Variants in WDFY2 observed in about 807,000 individuals in gnomAD.
WDFY2 encodes the protein WD repeat and FYVE domain-containing protein 2.
WDFY2 carries 36 observed loss-of-function variants against 56.4 expected under a neutral mutation model. The ratio of observed to expected loss-of-function variants is 0.64; its 90% CI spans 0.49 to 0.84. The LOEUF is 0.84. WDFY2 is among the 40% of genes least tolerant of loss of function. The pLI, the probability that WDFY2 is intolerant of heterozygous loss-of-function variation, is 0.00. For synonymous variants in WDFY2, 176 were observed against 183.7 expected, an observed-to-expected ratio of 0.96 and a Z score of 0.34; for missense variants, 444 against 512.2, an observed-to-expected ratio of 0.87 and a Z score of 1.29.
intron 7 of WDFY2, among the ~76,000 whole-genome samples, chr13:51,748,626 CT>C (rs915663534): frequency 3.3e-5 from 5 of 149,350 alleles, no homozygotes; most frequent in African/African-American, 7.4e-5. Flanking sequence ...CTCTCTCTCT[CT>C]TTTTTTTTTC....
intron 1 of WDFY2, among the ~76,000 whole-genome samples, chr13:51,647,773 A>T (rs1955288137): frequency 1.3e-5 from 2 of 151,838 alleles, no homozygotes; most frequent in Admixed American, 1.3e-4. Context: ...CTTAAAAAAA[A>T]AAAAAAAAAA....
chr13:51,689,068 G>C (rs2138537531), intron 3 of WDFY2, among the ~76,000 whole-genome samples: 1 of 152,278 alleles, frequency 6.6e-6, no homozygotes, highest in South Asian at 2.1e-4. Context: ...TAACTTCCAA[G>C]AGCATCTGTC....
At chr13:51,599,845 C>T (rs1335108812) in intron 1 of WDFY2, among the ~76,000 whole-genome samples, 2 of 151,296 alleles carry the variant, frequency 1.3e-5, no homozygotes, top group East Asian at 1.9e-4. Flanking sequence ...CAACTTTTGT[C>T]ATGTGGGTGA....
At chr13:51,647,777 A>C (rs957221438) in intron 1 of WDFY2, among the ~76,000 whole-genome samples, 2 of 151,942 alleles carry the variant, frequency 1.3e-5, no homozygotes, top group Non-Finnish European at 1.5e-5. Flanking sequence ...AAAAAAAAAA[A>C]AAAAAAAAAA....
At chr13:51,726,332 A>C (rs1952604682) in intron 5 of WDFY2, among the ~76,000 whole-genome samples, 1 of 152,200 alleles carries the variant, frequency 6.6e-6, no homozygotes, top group Non-Finnish European at 1.5e-5. Flanking sequence ...AGCATAGTTA[A>C]TTCAGTAAGT....
intron 3 of WDFY2, among the ~76,000 whole-genome samples, chr13:51,696,433 C>T (rs1439936455): frequency 1.3e-5 from 2 of 152,166 alleles, no homozygotes; most frequent in Admixed American, 6.5e-5. Flanking sequence ...GAGCACATAG[C>T]CTTTATATTA....
chr13:51,620,861 G>T (rs1171377368), intron 1 of WDFY2, among the ~76,000 whole-genome samples: 1 of 152,070 alleles, frequency 6.6e-6, no homozygotes, highest in Non-Finnish European at 1.5e-5. Context: ...AGGGAAGTCG[G>T]ACGCACTCAT....
At chr13:51,696,038 T>A (rs2138563759) in intron 3 of WDFY2, among the ~76,000 whole-genome samples, 1 of 152,266 alleles carries the variant, frequency 6.6e-6, no homozygotes, top group South Asian at 2.1e-4. Context: ...AAAAGTGCAG[T>A]ATTGGGGTGG....
chr13:51,698,105 TA>T (rs1951913608), intron 3 of WDFY2, among the ~76,000 whole-genome samples: 4 of 152,174 alleles, frequency 2.6e-5, no homozygotes, highest in Non-Finnish European at 5.9e-5. Flanking sequence ...ATTTAACAAG[TA>T]TGTGTTTTAG....
At chr13:51,674,274 T>C (rs1401417576) in intron 2 of WDFY2, among the ~76,000 whole-genome samples, 1 of 152,256 alleles carries the variant, frequency 6.6e-6, no homozygotes, top group Non-Finnish European at 1.5e-5. Context: ...ATATAAAAAC[T>C]GTGCTGGGCT....
At chr13:51,624,238 T>C (rs1384601622) in intron 1 of WDFY2, among the ~76,000 whole-genome samples, 1 of 152,244 alleles carries the variant, frequency 6.6e-6, no homozygotes, top group Admixed American at 6.5e-5. Flanking sequence ...ATTCTAACCC[T>C]ATGTCTCAGG....
At chr13:51,756,224 C>T in intron 9 of WDFY2, 108 bp from the exon 10 acceptor site, 3 of 1,473,344 alleles carry the variant, frequency 2.0e-6, no homozygotes, top group African/African-American at 1.4e-5. Flanking sequence ...GTTCAGCATC[C>T]TCACCTGGAT....
chr13:51,612,922 T>C (rs1000563741), intron 1 of WDFY2, among the ~76,000 whole-genome samples: 3 of 152,160 alleles, frequency 2.0e-5, no homozygotes, highest in African/African-American at 4.8e-5. Flanking sequence ...AGTTTATTCA[T>C]AGTTGAAAAA....
intron 3 of WDFY2, among the ~76,000 whole-genome samples, chr13:51,699,321 G>C (rs1951936693): frequency 6.6e-6 from 1 of 152,188 alleles, no homozygotes; most frequent in Non-Finnish European, 1.5e-5. Flanking sequence ...AAAACCTGGT[G>C]TTTCACTTCT....
intron 1 of WDFY2, among the ~76,000 whole-genome samples, chr13:51,649,059 A>G (rs1955315730): frequency 6.6e-6 from 1 of 152,244 alleles, no homozygotes; most frequent in Non-Finnish European, 1.5e-5. Context: ...AAGCAGGACA[A>G]TCATTTAATC....
At chr13:51,758,678 G>A (rs984728388) in intron 11 of WDFY2, among the ~76,000 whole-genome samples, 28 of 152,104 alleles carry the variant, frequency 1.8e-4, no homozygotes, top group African/African-American at 5.8e-4. Flanking sequence ...CAGAGCTCCA[G>A]CCTGCAAGGA....
At chr13:51,698,634 C>T (rs546335862) in intron 3 of WDFY2, among the ~76,000 whole-genome samples, 13 of 152,078 alleles carry the variant, frequency 8.5e-5, no homozygotes, top group South Asian at 4.2e-4. Context: ...TCATTATGTG[C>T]GAGAAGTAAT....
rs80008756 is a variant in WDFY2 at position 51,764,419 on chromosome 13, G to T, written c.*4650G>T. 2,064 of 152,926 alleles carry T rather than the reference G, an allele frequency of 0.013. 22 individuals are homozygous for T. Among genetic ancestry groups the T allele is most frequent in the Non-Finnish European group, 0.021 (1,438 of 68,156 alleles). 9.5% of individuals were successfully genotyped at this position (152,926 alleles called of 1,614,324 possible). ...GAGTGAGTCATAAGGGGGAAAAATG[G>T]AAATGACTTTCCAGGCTTCAGAAAC... On this transcript the variant is annotated 3_prime_UTR_variant, in exon 12 of 12. Transcript: ENST00000298125.
At chr13:51,738,961 C>A in intron 6 of WDFY2, 88 bp from the exon 7 acceptor site, 1 of 1,347,350 alleles carries the variant, frequency 7.4e-7, no homozygotes, top group Non-Finnish European at 9.7e-7. Flanking sequence ...AGGAACTGCA[C>A]TAGGTTCTGT....
Sources: allele counts gnomAD v4.1 joint callset (sites outside exome capture counted in the v4.1 genomes callset), GRCh38; gene constraint gnomAD v4.1.1; transcripts MANE v1.5; gene names NCBI Gene and HGNC (gene_info 2026-07-23, HGNC 2026-07-21).